Variants in NBEA observed in about 807,000 individuals in gnomAD.
NBEA encodes the protein neurobeachin.
A neutral mutation model predicts 343.4 loss-of-function variants in NBEA; 44 were observed. The observed-to-expected ratio is 0.13, with a 90% CI of 0.10 to 0.16. The LOEUF is 0.16. Ranked by LOEUF, NBEA falls within the 10% of genes least tolerant of loss-of-function variation. The probability of loss-of-function intolerance (pLI) is 1.00; values close to 1 mark genes in which losing one functional copy is unlikely to be tolerated. For missense variants in NBEA, 2,555 were observed against 3,631.3 expected (o/e 0.70, Z 7.62); for synonymous variants, 1,175 against 1,238.7 (o/e 0.95, Z 1.08).
intron 39 of NBEA, among the ~76,000 whole-genome samples, chr13:35,444,666 A>G (rs1347965178): frequency 6.6e-6 from 1 of 152,038 alleles, no homozygotes; most frequent in Non-Finnish European, 1.5e-5. Flanking sequence ...CTATTCTGCC[A>G]GTGTCCTCCC....
chr13:35,000,546 C>A (rs1223970323), intron 1 of NBEA, among the ~76,000 whole-genome samples: 1 of 150,890 alleles, frequency 6.6e-6, no homozygotes, highest in Non-Finnish European at 1.5e-5. Context: ...GATACACACA[C>A]ATTCACTCTA....
chr13:35,175,580 A>C (rs1166801005), intron 27 of NBEA, among the ~76,000 whole-genome samples: 1 of 152,190 alleles, frequency 6.6e-6, no homozygotes, highest in African/African-American at 2.4e-5. Flanking sequence ...GTGGGAAGGA[A>C]ATTGGTAGTA....
chr13:35,065,976 TG>T (rs1204065251), intron 8 of NBEA, among the ~76,000 whole-genome samples: 2 of 152,152 alleles, frequency 1.3e-5, no homozygotes, highest in African/African-American at 4.8e-5. Context: ...ATTTTTTTTT[TG>T]GAAACAGGGT....
chr13:35,023,766 G>A (rs2061925234), intron 1 of NBEA, among the ~76,000 whole-genome samples: 2 of 152,298 alleles, frequency 1.3e-5, no homozygotes, highest in African/African-American at 4.8e-5. Flanking sequence ...AGATCTTGAA[G>A]GATCATGAAT....
chr13:35,258,580 A>G (rs2032893025), intron 34 of NBEA, among the ~76,000 whole-genome samples: 2 of 151,870 alleles, frequency 1.3e-5, no homozygotes, highest in African/African-American at 4.8e-5. Flanking sequence ...GCCCATCCAT[A>G]GACTACAGTT....
At chr13:35,652,362 C>A (rs56384039) in intron 53 of NBEA, among the ~76,000 whole-genome samples, 4 of 148,742 alleles carry the variant, frequency 2.7e-5, no homozygotes, top group Non-Finnish European at 3.0e-5. Context: ...AAAAAAGGGC[C>A]GGGCATGGTG....
chr13:35,591,185 C>CT (rs2081521524), intron 46 of NBEA, among the ~76,000 whole-genome samples: 1 of 151,998 alleles, frequency 6.6e-6, no homozygotes, highest in Non-Finnish European at 1.5e-5. Flanking sequence ...GAGACAGTTG[C>CT]TTGACACAGT....
chr13:35,002,328 G>A (rs189859945), intron 1 of NBEA, among the ~76,000 whole-genome samples: 6 of 152,128 alleles, frequency 3.9e-5, no homozygotes, highest in Non-Finnish European at 7.4e-5. Flanking sequence ...TATAGAAATA[G>A]AACACAATTT....
chr13:35,093,212 A>C (rs1344825099), intron 10 of NBEA, among the ~76,000 whole-genome samples: 1 of 151,932 alleles, frequency 6.6e-6, no homozygotes, highest in African/African-American at 2.4e-5. Context: ...GAAAAGTGAT[A>C]GCACAAGTGA....
rs368078565 is a variant in NBEA at position 35,159,450 on chromosome 13, A to T, written c.3279A>T (p.Glu1093Asp). Residue 1093 changes from glutamate to aspartate, a missense_variant, in exon 22 of 59, where the codon GAA becomes GAT. Glu to Asp is a conservative substitution (Grantham distance 45). Coordinates refer to ENST00000379939, the MANE Select transcript of NBEA (RefSeq NM_001385012.1). ...GGENGALVEV[E>D]SLLDNVYSAA... ...AGAATGGTGCCCTTGTGGAGGTTGA[A>T]TCTCTGTTGGATAATGTATATAGTG... is the stretch of plus-strand genomic sequence containing the variant. 5.0e-6 allele frequency: 8 copies of T among 1,613,356 alleles called. No individual in the cohort carries two copies. The African/African-American group carries it at 1.1e-4, about 22-fold the overall frequency.
At chr13:35,534,968 A>G (rs2078460811) in intron 41 of NBEA, among the ~76,000 whole-genome samples, 2 of 152,238 alleles carry the variant, frequency 1.3e-5, no homozygotes, top group Non-Finnish European at 2.9e-5. Flanking sequence ...CAAAAAAAGA[A>G]TAAAAACTCA....
At chr13:35,287,008 C>A (rs560909663) in intron 34 of NBEA, among the ~76,000 whole-genome samples, 3 of 152,018 alleles carry the variant, frequency 2.0e-5, no homozygotes, top group Non-Finnish European at 4.4e-5. Context: ...ACTCAGTGAG[C>A]TGACTTCATC....
chr13:35,149,965 C>T (rs1272519136), intron 18 of NBEA, among the ~76,000 whole-genome samples: 2 of 152,092 alleles, frequency 1.3e-5, no homozygotes, highest in Middle Eastern at 3.2e-3. Flanking sequence ...CTGTGTATAC[C>T]TAGTATCCAG....
chr13:35,063,659 A>G (rs1460994232), intron 8 of NBEA, among the ~76,000 whole-genome samples: 2 of 152,000 alleles, frequency 1.3e-5, no homozygotes, highest in African/African-American at 2.4e-5. Context: ...CCTGATACCA[A>G]TTTGAAAAGG....
intron 35 of NBEA, among the ~76,000 whole-genome samples, chr13:35,308,433 A>G (rs2152831148): frequency 1.0e-5 from 1 of 96,744 alleles, no homozygotes; most frequent in South Asian, 3.3e-4. Context: ...AAACACTGCT[A>G]TTTACTATAT....
intron 38 of NBEA, among the ~76,000 whole-genome samples, chr13:35,353,514 T>C (rs1165139779): frequency 2.0e-5 from 3 of 151,984 alleles, no homozygotes; most frequent in Non-Finnish European, 4.4e-5. Flanking sequence ...GGATTATGAG[T>C]GTAAGATAGG....
intron 36 of NBEA, among the ~76,000 whole-genome samples, chr13:35,348,243 A>G (rs2039994457): frequency 6.6e-6 from 1 of 152,192 alleles, no homozygotes; most frequent in Non-Finnish European, 1.5e-5. Flanking sequence ...TGTCCAAGAT[A>G]CATTTCTATG....
intron 45 of NBEA, among the ~76,000 whole-genome samples, chr13:35,574,836 G>A (rs561892242): frequency 6.6e-6 from 1 of 150,424 alleles, no homozygotes; most frequent in African/African-American, 2.5e-5. Context: ...TGCAACCTCC[G>A]CCTCCAGGGC....
chr13:35,152,058 G>A (rs1374979637), intron 18 of NBEA, among the ~76,000 whole-genome samples: 1 of 151,882 alleles, frequency 6.6e-6, no homozygotes, highest in Non-Finnish European at 1.5e-5. Flanking sequence ...TTGCTTTATG[G>A]GTTCTCTTTG....
Sources: gnomAD v4.1 joint callset for allele counts (sites outside exome capture counted in the v4.1 genomes callset) on GRCh38, gnomAD v4.1.1 for gene constraint, MANE v1.5 for transcripts, NCBI Gene and HGNC (gene_info 2026-07-23, HGNC 2026-07-21) for gene names.